UBR1: variants seen among roughly 807,000 people sequenced by gnomAD.
The protein encoded by UBR1 is ubiquitin protein ligase E3 component n-recognin 1, also known as E3 ubiquitin-protein ligase UBR1.
UBR1 carries 102 observed loss-of-function variants against 242.1 expected under a neutral mutation model. The ratio of observed to expected loss-of-function variants is 0.42; its 90% CI spans 0.36 to 0.50. The LOEUF (loss-of-function observed/expected upper bound fraction) is 0.50. UBR1 is among the 20% of genes least tolerant of loss of function. The pLI, the probability that UBR1 is intolerant of heterozygous loss-of-function variation, is 0.01. For missense variants in UBR1, 1,772 were observed against 2,101.8 expected, an observed-to-expected ratio of 0.84 and a Z score of 3.07; for synonymous variants, 675 against 684.8, an observed-to-expected ratio of 0.99 and a Z score of 0.22.
chr15:43,094,368 G>A (rs2034136161), intron 1 of UBR1, among the ~76,000 whole-genome samples: 3 of 151,972 alleles, frequency 2.0e-5, no homozygotes, highest in African/African-American at 7.2e-5. Flanking sequence ...GGCAGAGGTT[G>A]CAGTGAGCTG....
At chr15:42,982,300 A>G (rs1278290853) in intron 37 of UBR1, among the ~76,000 whole-genome samples, 1 of 152,260 alleles carries the variant, frequency 6.6e-6, no homozygotes, top group Non-Finnish European at 1.5e-5. Context: ...ATTAAAAAAC[A>G]AAAACAAAAT....
rs140273062 is a variant in UBR1, at chr15:43,065,387, G to A, written c.798+2511C>T. ...TTTTTTCTCCAACTTTTAATTTCCA[G>A]GGTACATGGGCAGGTTTTTTACAGA... On this transcript the variant is annotated intron_variant, in intron 6 of 46. Transcript: ENST00000290650. Among the ~76,000 whole-genome samples, 4 of 151,556 alleles carry A rather than the reference G, an allele frequency of 2.6e-5. No homozygotes were observed. In the South Asian group the frequency reaches 8.3e-4, roughly 31 times the overall value.
At chr15:42,970,266 G>A (rs749775651) in intron 40 of UBR1, among the ~76,000 whole-genome samples, 1 of 152,156 alleles carries the variant, frequency 6.6e-6, no homozygotes, top group Non-Finnish European at 1.5e-5. Flanking sequence ...TTTAATAAAT[G>A]GTGTTGGGAA....
At chr15:42,981,885 T>G (rs2032384513) in intron 37 of UBR1, among the ~76,000 whole-genome samples, 1 of 152,192 alleles carries the variant, frequency 6.6e-6, no homozygotes, top group Non-Finnish European at 1.5e-5. Context: ...AGCCCTAACA[T>G]CTTACAAATA....
intron 30 of UBR1, among the ~76,000 whole-genome samples, chr15:43,006,099 A>G (rs528919248): frequency 3.1e-4 from 45 of 146,424 alleles, no homozygotes; most frequent in African/African-American, 9.1e-4. Flanking sequence ...ACTAAAAAAA[A>G]AAAAAAGAAA....
chr15:43,082,538 T>G, intron 3 of UBR1, 100 bp downstream of exon 3: 2 of 880,134 alleles, frequency 2.3e-6, no homozygotes, highest in Non-Finnish European at 3.8e-6. Context: ...TGTTCACATA[T>G]CAGAGCTGTT....
In UBR1 at chr15:43,003,840, T is replaced by C; in HGVS notation, c.3506A>G (p.Gln1169Arg). 1 of 1,614,110 alleles carries C rather than the reference T, an allele frequency of 6.2e-7. No individual in the cohort carries two copies. The highest frequency in any genetic ancestry group is 8.5e-7 in the Non-Finnish European group (1 of 1,180,004). The change falls in exon 31 of 47, where the codon CAG (glutamine) becomes CGG (arginine). Residue 1169 changes from glutamine to arginine, a missense_variant. Physicochemically the swap from Gln to Arg is conservative, Grantham distance 43 (BLOSUM62 1). Around this residue, in one of 3 missense-constraint regions of UBR1, gnomAD observed 965 missense variants for 1,079.7 expected, o/e 0.89. Transcript: ENST00000290650. ...CGHVMHAVCW[Q>R]KYFEAVQLSS... ...ACATGTCAGAAGGACAACTTACTTC[T>C]GCCAGCACACTGCGTGCATTACATG... is the stretch of plus-strand genomic sequence containing the variant.
At chr15:43,038,671 G>A (rs953777469) in intron 15 of UBR1, among the ~76,000 whole-genome samples, 3 of 152,124 alleles carry the variant, frequency 2.0e-5, no homozygotes, top group East Asian at 3.8e-4. Context: ...AATGCAGACT[G>A]TTGATTTCTA....
chr15:43,024,236 G>A (rs1400566626), intron 25 of UBR1, among the ~76,000 whole-genome samples: 1 of 152,154 alleles, frequency 6.6e-6, no homozygotes, highest in Non-Finnish European at 1.5e-5. Flanking sequence ...TTTAGAACCT[G>A]TAGACCAACA....
chr15:43,020,279 G>C (rs1473626215), intron 27 of UBR1, among the ~76,000 whole-genome samples: 2 of 152,082 alleles, frequency 1.3e-5, no homozygotes, highest in Non-Finnish European at 2.9e-5. Context: ...GACCTCAGGT[G>C]ATCTGCCTGC....
intron 42 of UBR1, 49 bp from the exon 43 acceptor site, chr15:42,960,750 T>C (rs1003236242): frequency 9.5e-6 from 15 of 1,573,364 alleles, no homozygotes; most frequent in Non-Finnish European, 1.3e-5. Flanking sequence ...ACAGCTTCAA[T>C]GCATGATTTG....
At chr15:43,052,337 AGTT>A (rs1482390255) in intron 12 of UBR1, among the ~76,000 whole-genome samples, 3 of 152,374 alleles carry the variant, frequency 2.0e-5, no homozygotes, top group Non-Finnish European at 4.4e-5. Flanking sequence ...TGAGAATTGA[AGTT>A]GTTCTGAATG....
At chr15:43,069,328 G>A (rs1172353537) in intron 5 of UBR1, among the ~76,000 whole-genome samples, 1 of 151,538 alleles carries the variant, frequency 6.6e-6, no homozygotes, top group East Asian at 1.9e-4. Context: ...CCAGGCTGGA[G>A]TGCAGTGGCG....
chr15:42,998,355 C>A, intron 32 of UBR1, 90 bp from the exon 33 acceptor site: 2 of 1,220,624 alleles, frequency 1.6e-6, no homozygotes, highest in African/African-American at 1.5e-5. Flanking sequence ...GATAAATGGT[C>A]ATATAAAAAA....
chr15:43,024,776 C>T, intron 25 of UBR1, 53 bp downstream of exon 25: 1 of 1,611,784 alleles, frequency 6.2e-7, no homozygotes. Flanking sequence ...TCTTCCCTAG[C>T]TCCCCAAGAA....
chr15:43,039,996 C>T lies in UBR1; in HGVS notation c.1850-1764G>A, dbSNP rs978210036. On this transcript the variant is annotated intron_variant, in intron 15 of 46. Transcript: ENST00000290650. The stretch of plus-strand genomic sequence containing the variant: ...TGGATTACATTTATTGATTTGCATG[C>T]GTTGACTGTGAAAATGACCATGCTG... Among the ~76,000 whole-genome samples the T allele has an allele frequency of 9.9e-5, 15 of 151,858 alleles. 1 individual carries two copies. The highest frequency in any genetic ancestry group is 2.0e-4 in the Admixed American group (3 of 15,230).
At chr15:43,080,216 G>A (rs1363681216) in intron 3 of UBR1, among the ~76,000 whole-genome samples, 2 of 152,182 alleles carry the variant, frequency 1.3e-5, no homozygotes, top group African/African-American at 4.8e-5. Context: ...TACGGGCACT[G>A]AAATTTTAAT....
intron 37 of UBR1, among the ~76,000 whole-genome samples, chr15:42,978,878 G>GAA (rs2032331287): frequency 6.9e-6 from 1 of 144,868 alleles, no homozygotes; most frequent in African/African-American, 2.5e-5. Flanking sequence ...GCAGGCACGC[G>GAA]CCACCACGCC....
In UBR1 at chr15:43,043,408, T is replaced by C; in HGVS notation, c.1669-13A>G. ...GTAAGAGTTCTTCCTAAGAGGAAAA[T>C]AAGATACAAAAAGTTGACAAGTTTT... is the stretch of plus-strand genomic sequence containing the variant. On this transcript the variant is annotated splice_polypyrimidine_tract_variant and intron_variant, in intron 14 of 46. Coordinates refer to ENST00000290650, the MANE Select transcript of UBR1 (RefSeq NM_174916.3). 6.2e-7 allele frequency: 1 copy of C among 1,613,766 alleles called. No individual in the cohort carries two copies. Among genetic ancestry groups the C allele is most frequent in the Non-Finnish European group, 8.5e-7 (1 of 1,179,768 alleles).
Sources: allele counts gnomAD v4.1 joint callset (sites outside exome capture counted in the v4.1 genomes callset), GRCh38; gene constraint gnomAD v4.1.1; regional missense constraint gnomAD v4.1.1; transcripts MANE v1.5; gene names NCBI Gene and HGNC (gene_info 2026-07-23, HGNC 2026-07-21).